The following KIAA1614 variants were observed in gnomAD, a reference collection of about 807,000 sequenced individuals.
KIAA1614 encodes the protein KIAA1614, also known as uncharacterized protein KIAA1614.
A neutral mutation model predicts 88.7 loss-of-function variants in KIAA1614; 76 were observed. The observed-to-expected ratio is 0.86, with a 90% CI of 0.71 to 1.04. The LOEUF is 1.04. Among genes scored for constraint, KIAA1614 ranks in the 50% least tolerant of loss-of-function variants. KIAA1614 has a pLI of 0.00. For synonymous variants in KIAA1614, 714 were observed against 675.5 expected, an observed-to-expected ratio of 1.06 and a Z score of -0.88; for missense variants, 1,553 against 1,582.5, an observed-to-expected ratio of 0.98 and a Z score of 0.32.
chr1:180,945,020 C>CA (rs1224990393), intron 8 of KIAA1614: 5 of 453,684 alleles, frequency 1.1e-5, no homozygotes, highest in Non-Finnish European at 1.9e-5. Flanking sequence ...TACCTTTTGT[C>CA]AGATTCTTAC....
chr1:180,923,025 C>T (rs979161240), intron 3 of KIAA1614, among the ~76,000 whole-genome samples: 4 of 152,218 alleles, frequency 2.6e-5, no homozygotes, highest in Non-Finnish European at 5.9e-5. Flanking sequence ...TGCATTTACC[C>T]ATTTCTTATG....
chr1:180,924,886 A>AAATAATAATAATAATAATAATAATAAT (rs10522338), intron 3 of KIAA1614, among the ~76,000 whole-genome samples: 6,351 of 142,548 alleles, frequency 0.045, 188 homozygotes, highest in Non-Finnish European at 0.057. Flanking sequence ...GCTAATGATA[A>AAATAATAATAATAATAATAATAATAAT]AATAATAATA....
At chr1:180,937,882 T>G (rs1473574239) in intron 5 of KIAA1614, among the ~76,000 whole-genome samples, 1 of 152,206 alleles carries the variant, frequency 6.6e-6, no homozygotes, top group African/African-American at 2.4e-5. Flanking sequence ...CCTGCAGGGC[T>G]TCCCTTCTGA....
rs1654571499 is a variant in KIAA1614, at chr1:180,945,463, T to C, written c.3448T>C (p.Ser1150Pro). The change falls in exon 9 of 9, where the codon TCT becomes CCT. Residue 1150 changes from serine (S) to proline (P), a missense_variant. Coordinates refer to ENST00000367588, the MANE Select transcript of KIAA1614 (RefSeq NM_020950.2). ...PGGTFGFCVA[S>P]GNGRPDSGMP... ...GGGCACTTTCGGCTTCTGCGTGGCC[T>C]CTGGGAATGGGCGCCCAGACTCAGG... is the stretch of plus-strand genomic sequence containing the variant. The C allele has an allele frequency of 6.2e-7, 1 of 1,612,788 alleles. No homozygotes were observed.
chr1:180,920,005 C>T (rs1010512530), intron 3 of KIAA1614, among the ~76,000 whole-genome samples: 1 of 152,178 alleles, frequency 6.6e-6, no homozygotes. Flanking sequence ...GAGTGCCTGG[C>T]GATCAGGGCA....
Position 180,950,904 on chromosome 1 carries a change from C to CTA in KIAA1614, c.*5317_*5318dup, listed in dbSNP as rs1654715541. ...TCCTGGTCCCATGCCTGGTCAAAGG[C>CTA]TACAGCCTCCAACACTGTGGAACCA... is the stretch of plus-strand genomic sequence containing the variant. On this transcript the variant is annotated 3_prime_UTR_variant, in exon 9 of 9. Coordinates refer to ENST00000367588, the MANE Select transcript of KIAA1614 (RefSeq NM_020950.2). The CTA allele has an allele frequency of 6.6e-6, 1 of 152,406 alleles. No individual in the cohort carries two copies. The highest frequency in any genetic ancestry group is 2.1e-4 in the South Asian group (1 of 4,844). 9.4% of individuals were successfully genotyped at this position (152,406 alleles called of 1,614,324 possible).
At position 180,945,331 on chromosome 1, in the gene KIAA1614, C is replaced by T; in HGVS notation, c.3316C>T (p.Leu1106Phe). ...RPAKTSPRRALSVEDVGAPSL... is the reference protein window; with the variant it reads ...RPAKTSPRRAFSVEDVGAPSL... ...GGCCAAGACTTCACCACGGCGTGCCCTCAGTGTGGAGGACGTGGGTGCTCC... is the reference window on the plus strand; with the variant it reads ...GGCCAAGACTTCACCACGGCGTGCCTTCAGTGTGGAGGACGTGGGTGCTCC... The change falls in exon 9 of 9, where the codon CTC becomes TTC. Residue 1106 changes from leucine to phenylalanine, a missense_variant. Leu to Phe is a conservative substitution (Grantham distance 22, BLOSUM62 0). Coordinates refer to ENST00000367588, the MANE Select transcript of KIAA1614 (RefSeq NM_020950.2). 1 of 1,590,372 alleles carries T rather than the reference C, an allele frequency of 6.3e-7. No individual in the cohort carries two copies. The highest frequency in any genetic ancestry group is 8.5e-7 in the Non-Finnish European group (1 of 1,173,928).
Position 180,916,901 on chromosome 1 carries a change from C to A in KIAA1614, c.798C>A (p.Val266=). The change falls in exon 2 of 9, where the codon GTC becomes GTA. Residue 266 remains valine (V), a synonymous_variant. Transcript: ENST00000367588. ...CCCTGACCTCCGAGGAGGTCTTTGTCCCCAGGACGGCCCTGCTGGGTGAGC... is the reference window on the plus strand; with the variant it reads ...CCCTGACCTCCGAGGAGGTCTTTGTACCCAGGACGGCCCTGCTGGGTGAGC... ...STSLTSEEVF[V]PRTALLGERW... is the part of the protein sequence containing the mutation. The A allele has an allele frequency of 1.2e-6, 2 of 1,614,232 alleles. No individual in the cohort carries two copies. Among genetic ancestry groups the A allele is most frequent in the Admixed American group, 1.7e-5 (1 of 60,034 alleles).
intron 1 of KIAA1614, among the ~76,000 whole-genome samples, chr1:180,915,177 T>A: frequency 6.6e-6 from 1 of 152,232 alleles, no homozygotes; most frequent in East Asian, 1.9e-4. Context: ...CCGCCTGGCA[T>A]AGAGCAGATG....
At chr1:180,914,461 C>G (rs184242868) in intron 1 of KIAA1614, among the ~76,000 whole-genome samples, 8 of 152,372 alleles carry the variant, frequency 5.3e-5, no homozygotes, top group African/African-American at 1.4e-4. Context: ...GGTTTCCAAA[C>G]TGGGCCTCCT....
chr1:180,917,624 A>G (rs556881046), intron 2 of KIAA1614, among the ~76,000 whole-genome samples: 13 of 152,074 alleles, frequency 8.5e-5, no homozygotes, highest in Non-Finnish European at 1.9e-4. Context: ...TCACAAGCTC[A>G]TTCATCACCG....
intron 6 of KIAA1614, among the ~76,000 whole-genome samples, chr1:180,939,362 C>G (rs1654403730): frequency 6.6e-6 from 1 of 152,230 alleles, no homozygotes; most frequent in East Asian, 1.9e-4. Context: ...ACATCTCCAT[C>G]AGGGGGTCTG....
intron 3 of KIAA1614, among the ~76,000 whole-genome samples, chr1:180,919,419 G>A (rs1653897077): frequency 6.6e-6 from 1 of 152,214 alleles, no homozygotes; most frequent in South Asian, 2.1e-4. Context: ...ACTACAGAAA[G>A]GCCTGTGGGC....
chr1:180,942,485 CGGACTGAATGAA>C (rs1312950460), intron 7 of KIAA1614, among the ~76,000 whole-genome samples: 1 of 152,208 alleles, frequency 6.6e-6, no homozygotes, highest in African/African-American at 2.4e-5. Flanking sequence ...GAAGAGGATG[CGGACTGAATGAA>C]GGTCCCATTG....
At position 180,936,432 on chromosome 1, in the gene KIAA1614, T is replaced by C. The variant is rs772018024; in HGVS notation, c.2523T>C (p.Gly841=). The change falls in exon 5 of 9, where the codon GGT becomes GGC. Residue 841 remains glycine (G), a synonymous_variant. Transcript: ENST00000367588. ...LRLGDQTEPV[G]IPRPPSRSAV... is the part of the protein sequence containing the mutation. ...TGGGTGACCAGACAGAGCCTGTGGG[T>C]ATCCCTCGGCCTCCTTCAAGAAGCG... The C allele has an allele frequency of 1.2e-6, 2 of 1,614,098 alleles. No homozygotes were observed. The highest frequency in any genetic ancestry group is 1.7e-6 in the Non-Finnish European group (2 of 1,179,984).
Position 180,944,533 on chromosome 1 carries a change from T to TAA in KIAA1614, c.3287+17_3287+18insAA. On this transcript the variant is annotated intron_variant, in intron 8 of 8. Transcript: ENST00000367588. ...AGCTGGCAGGTATGAGGGGCACACA[T>TAA]GGTTTGGAGGATAAACTCAGAGAGT... The TAA allele has an allele frequency of 1.9e-6, 3 of 1,610,788 alleles. No individual in the cohort carries two copies. The highest frequency in any genetic ancestry group is 2.5e-6 in the Non-Finnish European group (3 of 1,178,202).
chr1:180,942,041 C>CTGGG (rs780850642), intron 7 of KIAA1614, among the ~76,000 whole-genome samples: 246 of 152,204 alleles, frequency 1.6e-3, no homozygotes, highest in Non-Finnish European at 2.8e-3. Context: ...TCAGGCCGAA[C>CTGGG]TGGGGCTCCA....
Position 180,946,422 on chromosome 1 carries a change from T to C in KIAA1614, c.*834T>C, listed in dbSNP as rs1417423230. The C allele has an allele frequency of 6.6e-6, 1 of 152,280 alleles. No individual in the cohort carries two copies. The highest frequency in any genetic ancestry group is 6.5e-5 in the Admixed American group (1 of 15,288). The allele number at this position is 152,280 out of a possible 1,614,324, so 9.4% of individuals were successfully genotyped here. A position where few individuals can be genotyped will look rare whatever the true frequency, so the allele number is the denominator to read the frequency against. ...TGGCAGGGAGAAGTCCTGGACATCA[T>C]TCTGCACTCTGACCAGTTCTCAGTT... is the stretch of plus-strand genomic sequence containing the variant. On this transcript the variant is annotated 3_prime_UTR_variant, in exon 9 of 9. Transcript: ENST00000367588.
In KIAA1614 at chr1:180,941,393, C is replaced by G. The variant is rs887493861; in HGVS notation, c.3159+108C>G. ...GGTGATGAGGATGCCTCCCAAGGAG[C>G]CCACAGTAGGGAGACGGAAGCTGCT... On this transcript the variant is annotated intron_variant, in intron 7 of 8. Transcript: ENST00000367588. The G allele has an allele frequency of 1.6e-5, 22 of 1,356,620 alleles. No individual in the cohort carries two copies. In the African/African-American group the frequency reaches 3.1e-4, roughly 19 times the overall value. 84.0% of individuals were successfully genotyped at this position (1,356,620 alleles called of 1,614,324 possible). A position where few individuals can be genotyped will look rare whatever the true frequency, so the allele number is the denominator to read the frequency against.
Sources: allele counts gnomAD v4.1 joint callset (sites outside exome capture counted in the v4.1 genomes callset), GRCh38; gene constraint gnomAD v4.1.1; transcripts MANE v1.5; gene names NCBI Gene and HGNC (gene_info 2026-07-23, HGNC 2026-07-21).